MYO3B: variants seen among roughly 807,000 people sequenced by gnomAD.
MYO3B encodes myosin IIIB.
MYO3B carries 156 observed loss-of-function variants against 174.6 expected under a neutral mutation model. The ratio of observed to expected loss-of-function variants is 0.89; its 90% CI spans 0.78 to 1.02. MYO3B has a LOEUF of 1.02. Ranked by LOEUF, MYO3B falls within the 50% of genes least tolerant of loss-of-function variation. The pLI is 0.00. For missense variants in MYO3B, 1,632 were observed against 1,639.4 expected (o/e 1.00, Z 0.08); for synonymous variants, 563 against 569.1 (o/e 0.99, Z 0.15).
chr2:170,540,410 C>T (rs1003292996), intron 30 of MYO3B, among the ~76,000 whole-genome samples: 1 of 152,006 alleles, frequency 6.6e-6, no homozygotes, highest in African/African-American at 2.4e-5. Context: ...ATGCAATAAG[C>T]ATTGGCTTTT....
intron 32 of MYO3B, among the ~76,000 whole-genome samples, chr2:170,649,047 T>TTATATAAAATAATATATAATGTATATTA (rs1484924655): frequency 0.018 from 770 of 43,560 alleles, 53 homozygotes; most frequent in East Asian, 0.031. Flanking sequence ...ATAATGTATA[T>TTATATAAAATAATATATAATGTATATTA]TATATAAAAT....
At chr2:170,302,671 C>A (rs1297859159) in intron 7 of MYO3B, among the ~76,000 whole-genome samples, 1 of 152,142 alleles carries the variant, frequency 6.6e-6, no homozygotes, top group Non-Finnish European at 1.5e-5. Flanking sequence ...GAAAAGATAT[C>A]TGGAGGGAAT....
At chr2:170,230,365 T>TTTTTGA (rs1559318980) in intron 6 of MYO3B, among the ~76,000 whole-genome samples, 2 of 140,768 alleles carry the variant, frequency 1.4e-5, no homozygotes, top group African/African-American at 5.8e-5. Flanking sequence ...TTTTTTTTAG[T>TTTTTGA]AGAGACGGGG....
intron 31 of MYO3B, 53 bp from the exon 32 acceptor site, chr2:170,543,839 G>C: frequency 4.1e-6 from 6 of 1,454,400 alleles, no homozygotes; most frequent in Admixed American, 3.4e-5. Context: ...TGTCCTTAAG[G>C]CTGTTTCATC....
intron 25 of MYO3B, among the ~76,000 whole-genome samples, chr2:170,474,926 A>G (rs889597293): frequency 1.2e-4 from 18 of 152,266 alleles, no homozygotes; most frequent in Non-Finnish European, 2.2e-4. Flanking sequence ...AATTTTGCTG[A>G]CAATAACTGA....
At chr2:170,263,901 G>C (rs991869177) in intron 7 of MYO3B, among the ~76,000 whole-genome samples, 1 of 152,062 alleles carries the variant, frequency 6.6e-6, no homozygotes, top group African/African-American at 2.4e-5. Flanking sequence ...TTCCCTTCCC[G>C]TGAGGCCATA....
At chr2:170,370,933 A>G (rs2083216) in intron 9 of MYO3B, among the ~76,000 whole-genome samples, 45,140 of 151,186 alleles carry the variant, frequency 0.3, 8,119 homozygotes, top group Non-Finnish European at 0.4. Context: ...AAAGAAAAAG[A>G]ACAGGCCAGG....
At chr2:170,557,361 C>A (rs4668277) in intron 32 of MYO3B, among the ~76,000 whole-genome samples, 3 of 151,524 alleles carry the variant, frequency 2.0e-5, no homozygotes, top group Non-Finnish European at 4.4e-5. Context: ...GGATGGTCTC[C>A]ATCTCCTGAC....
chr2:170,547,826 G>A (rs965287016), intron 32 of MYO3B, among the ~76,000 whole-genome samples: 10 of 152,180 alleles, frequency 6.6e-5, no homozygotes, highest in Non-Finnish European at 1.0e-4. Flanking sequence ...AATTATGTGG[G>A]ATGTTAGAAG....
intron 32 of MYO3B, among the ~76,000 whole-genome samples, chr2:170,595,791 G>A (rs1694108548): frequency 6.6e-6 from 1 of 152,102 alleles, no homozygotes; most frequent in Non-Finnish European, 1.5e-5. Flanking sequence ...GCTCCAAAGA[G>A]CATGCCATCT....
At chr2:170,596,939 C>T (rs1694188566) in intron 32 of MYO3B, among the ~76,000 whole-genome samples, 1 of 152,186 alleles carries the variant, frequency 6.6e-6, no homozygotes, top group African/African-American at 2.4e-5. Flanking sequence ...AGTTGGTTTT[C>T]TGTCTACACA....
chr2:170,190,984 C>T (rs1443441141), intron 1 of MYO3B, among the ~76,000 whole-genome samples: 1 of 151,902 alleles, frequency 6.6e-6, no homozygotes, highest in Non-Finnish European at 1.5e-5. Flanking sequence ...TGAATCTTAC[C>T]CAAGGCCCGC....
intron 9 of MYO3B, among the ~76,000 whole-genome samples, chr2:170,380,833 A>G (rs570486722): frequency 1.7e-3 from 264 of 152,312 alleles, no homozygotes; most frequent in African/African-American, 6.2e-3. Flanking sequence ...AGGACTGAGT[A>G]GGCCGGGTGC....
chr2:170,372,118 C>CAAAAAAA lies in MYO3B; in HGVS notation c.971+2762_971+2768dup, dbSNP rs769243145. Among the ~76,000 whole-genome samples, 181 of 22,154 alleles carry CAAAAAAA rather than the reference C, an allele frequency of 8.2e-3. 14 individuals carry two copies. Among genetic ancestry groups the CAAAAAAA allele is most frequent in the East Asian group, 0.011 (4 of 374 alleles). 14.5% of individuals were successfully genotyped at this position (22,154 alleles called of 152,430 possible). A position where few individuals can be genotyped will look rare whatever the true frequency, so the allele number is the denominator to read the frequency against. ...TGGGCAACAGAGTGAGACCCTGTCTCAAAAAAAAAAAAAAAAAAAAAAAAA... is the reference window on the plus strand; with the variant it reads ...TGGGCAACAGAGTGAGACCCTGTCTCAAAAAAAAAAAAAAAAAAAAAAAAAAAAAAAA... On this transcript the variant is annotated intron_variant, in intron 9 of 34. Transcript: ENST00000408978.
intron 21 of MYO3B, among the ~76,000 whole-genome samples, chr2:170,407,362 G>A (rs1217448501): frequency 6.6e-6 from 1 of 152,150 alleles, no homozygotes; most frequent in Non-Finnish European, 1.5e-5. Context: ...TCGGGAGGCT[G>A]AGGCAGGAGA....
intron 32 of MYO3B, among the ~76,000 whole-genome samples, chr2:170,584,423 A>G (rs1266846238): frequency 1.3e-5 from 2 of 152,226 alleles, no homozygotes; most frequent in Non-Finnish European, 2.9e-5. Context: ...GATCTCTCAC[A>G]TGAGTTATGC....
intron 32 of MYO3B, chr2:170,640,571 C>CATA (rs1309781742): frequency 6.6e-6 from 1 of 152,192 alleles, no homozygotes; most frequent in Admixed American, 6.5e-5. Flanking sequence ...CATTAAATAA[C>CATA]ATAATTCTTT....
intron 23 of MYO3B, among the ~76,000 whole-genome samples, chr2:170,460,320 T>A (rs1333523743): frequency 4.0e-5 from 6 of 151,842 alleles, no homozygotes; most frequent in Admixed American, 6.6e-5. Flanking sequence ...AAACCCTGTC[T>A]CTACTAAAAA....
At chr2:170,421,778 C>A (rs1045714139) in intron 22 of MYO3B, among the ~76,000 whole-genome samples, 1 of 152,154 alleles carries the variant, frequency 6.6e-6, no homozygotes, top group Admixed American at 6.5e-5. Flanking sequence ...GGGGAAAATA[C>A]GTGTATGATG....
Sources: allele counts gnomAD v4.1 joint callset (sites outside exome capture counted in the v4.1 genomes callset), GRCh38; gene constraint gnomAD v4.1.1; transcripts MANE v1.5; gene names NCBI Gene and HGNC (gene_info 2026-07-23, HGNC 2026-07-21).